Variants in RIPK4 observed in about 807,000 individuals in gnomAD.
RIPK4 encodes the protein receptor-interacting serine/threonine-protein kinase 4.
Under a neutral mutation model 42.9 loss-of-function variants are expected in RIPK4, and 17 were observed. That is an observed-to-expected ratio of 0.40 (90% CI 0.27 to 0.59). The LOEUF is 0.59. Among genes scored for constraint, RIPK4 ranks in the 20% least tolerant of loss-of-function variants. The pLI, the probability that RIPK4 is intolerant of heterozygous loss-of-function variation, is 0.47. For synonymous variants in RIPK4, 498 were observed against 499.1 expected, an observed-to-expected ratio of 1.00 and a Z score of 0.03; for missense variants, 897 against 1,104.4, an observed-to-expected ratio of 0.81 and a Z score of 2.66.
chr21:41,746,150 A>G (rs2061170303), intron 5 of RIPK4: 2 of 670,000 alleles, frequency 3.0e-6, no homozygotes, highest in Non-Finnish European at 5.5e-6. Context: ...CTGGCGGATG[A>G]GCTCCCCATT....
chr21:41,750,452 A>G (rs1418500384), intron 3 of RIPK4, among the ~76,000 whole-genome samples: 1 of 152,232 alleles, frequency 6.6e-6, no homozygotes, highest in Non-Finnish European at 1.5e-5. Context: ...AATTTCGGAA[A>G]GTACAAACAC....
chr21:41,745,970 C>G, intron 5 of RIPK4, 108 bp from the exon 6 acceptor site: 1 of 954,504 alleles, frequency 1.0e-6, no homozygotes, highest in Non-Finnish European at 1.7e-6. Context: ...TCACACGCCT[C>G]GGCCCAGCCT....
rs1481923486 is a variant in RIPK4, at chr21:41,739,574, T to C, written c.*1264A>G. 1 of 152,186 alleles carries C rather than the reference T, an allele frequency of 6.6e-6. No individual in the cohort carries two copies. The highest frequency in any genetic ancestry group is 1.5e-5 in the Non-Finnish European group (1 of 68,036). The allele number at this position is 152,186 out of a possible 1,614,324, so 9.4% of individuals were successfully genotyped here. On this transcript the variant is annotated 3_prime_UTR_variant, in exon 8 of 8. Coordinates refer to ENST00000332512, the MANE Select transcript of RIPK4 (RefSeq NM_020639.3). ...CATGGTACATTAATATCAATCTCTATCATATACCAGGCCACGGTACATGTT... is the reference window on the plus strand; with the variant it reads ...CATGGTACATTAATATCAATCTCTACCATATACCAGGCCACGGTACATGTT...
intron 1 of RIPK4, among the ~76,000 whole-genome samples, chr21:41,757,310 C>T (rs2061206551): frequency 6.6e-6 from 1 of 151,928 alleles, no homozygotes; most frequent in East Asian, 1.9e-4. Flanking sequence ...CACCTGAGGT[C>T]AGGAGTTCGA....
intron 2 of RIPK4, among the ~76,000 whole-genome samples, chr21:41,752,462 G>A (rs950095534): frequency 2.0e-5 from 3 of 151,950 alleles, no homozygotes; most frequent in South Asian, 4.1e-4. Context: ...AGCAGGGACC[G>A]GCCCTCCTTC....
intron 2 of RIPK4, among the ~76,000 whole-genome samples, chr21:41,752,278 A>T (rs1417548433): frequency 2.6e-5 from 4 of 152,126 alleles, no homozygotes; most frequent in Admixed American, 1.3e-4. Context: ...ACACCCATGG[A>T]GTGACAGGAA....
Position 41,751,470 on chromosome 21 carries a change from G to C in RIPK4, c.475-225C>G, listed in dbSNP as rs73369689. The stretch of plus-strand genomic sequence containing the variant: ...AGGCATTAGGAGCAGCACATTTGAC[G>C]GGCAGGTGAAAGAATCGTACTGTAA... On this transcript the variant is annotated intron_variant, in intron 2 of 7. Transcript: ENST00000332512. The surrounding 1 kb of genome is among the most constrained non-coding windows in gnomAD (Gnocchi z 4.5). Among the ~76,000 whole-genome samples, 23 of 152,338 alleles carry C rather than the reference G, an allele frequency of 1.5e-4. No homozygotes were observed. The South Asian group carries it at 4.4e-3, about 29-fold the overall frequency.
chr21:41,743,916 C>CA lies in RIPK4; in HGVS notation c.1160dup (p.Ser388ValfsTer5), dbSNP rs758188396. The stretch of plus-strand genomic sequence containing the variant: ...AAGGTTCCCGCTCAAAGGACAGCGA[C>CA]AGTGATCCTCTGGAAGAGAAGGCGG... On this transcript the variant is annotated frameshift_variant, in exon 7 of 8. Coordinates refer to ENST00000332512, the MANE Select transcript of RIPK4 (RefSeq NM_020639.3). LOFTEE classifies it low-confidence loss of function (END_TRUNC). 6.2e-7 allele frequency: 1 copy of CA among 1,611,802 alleles called. No homozygotes were observed. The highest frequency in any genetic ancestry group is 1.1e-5 in the South Asian group (1 of 90,920).
intron 3 of RIPK4, among the ~76,000 whole-genome samples, chr21:41,750,711 G>A (rs965548747): frequency 2.0e-5 from 3 of 152,048 alleles, no homozygotes; most frequent in African/African-American, 7.2e-5. Context: ...ACAGGGTCGC[G>A]CTCTGTTGCC....
rs746771067 is a variant in RIPK4, at chr21:41,744,138, C to T, written c.939G>A (p.Val313=). 3.6e-5 allele frequency: 57 copies of T among 1,583,986 alleles called. No homozygotes were observed. In the African/African-American group the frequency reaches 7.4e-4, roughly 21 times the overall value. ...VKSPPEPRSE[V]VPARLKRASA... ...AGGCCCGCTTGAGCCTCGCAGGCAC[C>T]ACCTGCGAAGATGCAGAAGAGGGGG... The change falls in exon 7 of 8, where the codon GTG becomes GTA. Residue 313 remains valine, a splice_region_variant and synonymous_variant. Transcript: ENST00000332512.
intron 3 of RIPK4, among the ~76,000 whole-genome samples, chr21:41,749,747 A>G (rs1375461702): frequency 6.6e-6 from 1 of 152,120 alleles, no homozygotes; most frequent in Non-Finnish European, 1.5e-5. Context: ...GTTGTTAAAG[A>G]AAGTGCGCAG....
chr21:41,762,099 A>G (rs988765286), intron 1 of RIPK4, among the ~76,000 whole-genome samples: 1 of 152,202 alleles, frequency 6.6e-6, no homozygotes, highest in Admixed American at 6.5e-5. Context: ...AGCTTTGCGC[A>G]ACTGCCTGAA....
At chr21:41,747,279 T>C (rs910096991) in intron 4 of RIPK4, among the ~76,000 whole-genome samples, 1 of 152,138 alleles carries the variant, frequency 6.6e-6, no homozygotes, top group Admixed American at 6.5e-5. Context: ...CCCCTGCCGG[T>C]GCACCAGGGC....
At chr21:41,756,965 G>A (rs1189496867) in intron 1 of RIPK4, 149 bp from the exon 2 acceptor site, 8 of 769,166 alleles carry the variant, frequency 1.0e-5, no homozygotes, top group African/African-American at 3.5e-5. Context: ...GTCACATCAC[G>A]AATGCAGGGC....
At chr21:41,754,921 A>G (rs2061198754) in intron 2 of RIPK4, among the ~76,000 whole-genome samples, 4 of 152,214 alleles carry the variant, frequency 2.6e-5, no homozygotes, top group Non-Finnish European at 5.9e-5. Flanking sequence ...CACTCTAAGC[A>G]GAGACTCAGC....
At chr21:41,749,889 T>TAAAAAAAAAAAAAAA (rs776305508) in intron 3 of RIPK4, among the ~76,000 whole-genome samples, 1 of 99,376 alleles carries the variant, frequency 1.0e-5, no homozygotes, top group Non-Finnish European at 2.1e-5. Flanking sequence ...CCAAATTGAT[T>TAAAAAAAAAAAAAAA]AAAAAAAAAA....
At chr21:41,747,229 G>A (rs959759895) in intron 4 of RIPK4, among the ~76,000 whole-genome samples, 6 of 152,168 alleles carry the variant, frequency 3.9e-5, no homozygotes, top group Non-Finnish European at 8.8e-5. Context: ...GTCTTCCTCA[G>A]TTCCAACTCC....
chr21:41,765,878 A>G (rs997931167), intron 1 of RIPK4, among the ~76,000 whole-genome samples: 1 of 152,240 alleles, frequency 6.6e-6, no homozygotes, highest in African/African-American at 2.4e-5. Context: ...AGTGAAATCT[A>G]CAACAACAAA....
At position 41,740,910 on chromosome 21, in the gene RIPK4, G is replaced by T. The variant is rs1223172433; in HGVS notation, c.2283C>A (p.Ile761=). 6.8e-6 allele frequency: 11 copies of T among 1,612,484 alleles called. No homozygotes were observed. In the East Asian group the frequency reaches 2.5e-4, roughly 36 times the overall value. ...CCTGGAACTTGAGGCTCTGCAGGTT[G>T]ATGTGGGCCCCATGCCTGAGCAGAG... ...VETLLRHGAH[I]NLQSLKFQGG... is the part of the protein sequence containing the mutation. Residue 761 remains isoleucine (I), a synonymous_variant, in exon 8 of 8, where the codon ATC becomes ATA. Transcript: ENST00000332512.
Sources: gnomAD v4.1 joint callset for allele counts (sites outside exome capture counted in the v4.1 genomes callset) on GRCh38, gnomAD v4.1.1 for gene constraint, Gnocchi (gnomAD v3.1) non-coding constraint, MANE v1.5 for transcripts, NCBI Gene and HGNC (gene_info 2026-07-23, HGNC 2026-07-21) for gene names.